The following CNTN6 variants were observed in gnomAD, a reference collection of about 807,000 sequenced individuals.
CNTN6 encodes contactin-6.
CNTN6 carries 137 observed loss-of-function variants against 122.8 expected under a neutral mutation model. The observed-to-expected ratio is 1.12, with a 90% CI of 0.97 to 1.29. CNTN6 has a LOEUF of 1.29. Among genes scored for constraint, CNTN6 ranks in the 50% most tolerant of loss-of-function variants. CNTN6 has a pLI of 0.00. For synonymous variants in CNTN6, 570 were observed against 426.0 expected, an observed-to-expected ratio of 1.34 and a Z score of -4.16; for missense variants, 1,634 against 1,223.4, an observed-to-expected ratio of 1.34 and a Z score of -5.01.
At chr3:1,124,805 T>C (rs958040510) in intron 1 of CNTN6, among the ~76,000 whole-genome samples, 1 of 151,954 alleles carries the variant, frequency 6.6e-6, no homozygotes, top group African/African-American at 2.4e-5. Context: ...TTTTCTGACT[T>C]TCCTTAGACC....
intron 17 of CNTN6, among the ~76,000 whole-genome samples, chr3:1,379,239 G>T (rs1481217339): frequency 6.6e-6 from 1 of 152,092 alleles, no homozygotes; most frequent in East Asian, 1.9e-4. Context: ...TAAGGCAAAG[G>T]TACACAAACC....
chr3:1,234,777 T>C (rs1300702535), intron 4 of CNTN6, among the ~76,000 whole-genome samples: 1 of 152,214 alleles, frequency 6.6e-6, no homozygotes, highest in East Asian at 1.9e-4. Context: ...TAAATTAGTA[T>C]TGATTTTTTC....
At chr3:1,159,471 C>T (rs2093070960) in intron 2 of CNTN6, among the ~76,000 whole-genome samples, 1 of 151,932 alleles carries the variant, frequency 6.6e-6, no homozygotes, top group Non-Finnish European at 1.5e-5. Flanking sequence ...CAAAATTTAG[C>T]GTTTAATATT....
chr3:1,360,853 C>G (rs190186224), intron 12 of CNTN6, among the ~76,000 whole-genome samples: 35 of 152,190 alleles, frequency 2.3e-4, no homozygotes, highest in Middle Eastern at 3.4e-3. Flanking sequence ...CTACTGTCTT[C>G]TTTCTCCACT....
intron 11 of CNTN6, among the ~76,000 whole-genome samples, chr3:1,337,041 C>T (rs561016219): frequency 4.6e-5 from 7 of 152,244 alleles, no homozygotes; most frequent in Non-Finnish European, 8.8e-5. Context: ...TTCTTTTCTT[C>T]ATGGGTAAAA....
intron 1 of CNTN6, among the ~76,000 whole-genome samples, chr3:1,126,340 C>A (rs2092157915): frequency 6.6e-6 from 1 of 151,910 alleles, no homozygotes; most frequent in African/African-American, 2.4e-5. Flanking sequence ...TTAAGATAAA[C>A]CAGATTCTCT....
intron 1 of CNTN6, among the ~76,000 whole-genome samples, chr3:1,138,606 TA>T (rs1057513878): frequency 6.6e-6 from 1 of 151,984 alleles, no homozygotes; most frequent in Non-Finnish European, 1.5e-5. Context: ...TTAAATACAT[TA>T]AAAAAGGGTT....
intron 4 of CNTN6, among the ~76,000 whole-genome samples, chr3:1,229,649 T>A (rs560067689): frequency 1.4e-4 from 21 of 152,326 alleles, no homozygotes; most frequent in African/African-American, 5.0e-4. Flanking sequence ...AAAAATTTCT[T>A]GCAACGAGAA....
At chr3:1,350,906 G>A (rs1233982788) in intron 11 of CNTN6, among the ~76,000 whole-genome samples, 2 of 151,694 alleles carry the variant, frequency 1.3e-5, no homozygotes, top group Non-Finnish European at 2.9e-5. Flanking sequence ...CCTGAGTTTG[G>A]TGCATAATAG....
At chr3:1,316,745 A>G (rs1326129399) in intron 7 of CNTN6, among the ~76,000 whole-genome samples, 2 of 151,928 alleles carry the variant, frequency 1.3e-5, no homozygotes, top group Non-Finnish European at 2.9e-5. Context: ...TATTATTAAC[A>G]CAGAATGGTA....
intron 8 of CNTN6, among the ~76,000 whole-genome samples, chr3:1,323,169 G>A (rs1011972087): frequency 2.6e-5 from 4 of 151,698 alleles, no homozygotes. Flanking sequence ...TTCACTTATA[G>A]AATTCTTAAT....
intron 7 of CNTN6, among the ~76,000 whole-genome samples, chr3:1,302,932 T>A (rs1288036820): frequency 2.2e-5 from 2 of 91,128 alleles, no homozygotes; most frequent in Admixed American, 1.4e-4. Context: ...AAGTTCTTAA[T>A]CTTTTTAAAA....
chr3:1,265,538 T>C (rs1360721732), intron 4 of CNTN6, among the ~76,000 whole-genome samples: 2 of 152,240 alleles, frequency 1.3e-5, no homozygotes, highest in East Asian at 1.9e-4. Flanking sequence ...AGATTTTTGT[T>C]TGTAACAAAA....
intron 2 of CNTN6, among the ~76,000 whole-genome samples, chr3:1,212,253 T>G (rs1033835930): frequency 1.8e-5 from 1 of 55,834 alleles, no homozygotes; most frequent in Non-Finnish European, 3.1e-5. Context: ...ATAAAACTTG[T>G]TTTTTTTTTT....
intron 1 of CNTN6, among the ~76,000 whole-genome samples, chr3:1,114,515 A>T (rs73816474): frequency 0.033 from 5,078 of 152,266 alleles, 299 homozygotes; most frequent in African/African-American, 0.12. Flanking sequence ...TGTGGATACA[A>T]ATTTAAGAAA....
At chr3:1,366,283 A>T (rs1022137451) in intron 12 of CNTN6, among the ~76,000 whole-genome samples, 1 of 152,120 alleles carries the variant, frequency 6.6e-6, no homozygotes, top group African/African-American at 2.4e-5. Context: ...AGAATCTCAA[A>T]TTTTTACAAA....
chr3:1,284,584 G>C (rs763178229), intron 5 of CNTN6, among the ~76,000 whole-genome samples: 12 of 152,100 alleles, frequency 7.9e-5, no homozygotes, highest in Non-Finnish European at 1.6e-4. Context: ...TCGTTTTTCT[G>C]CATTTTAGTG....
chr3:1,190,485 T>TAAAC (rs1253324511), intron 2 of CNTN6, among the ~76,000 whole-genome samples: 1 of 152,212 alleles, frequency 6.6e-6, no homozygotes, highest in Non-Finnish European at 1.5e-5. Flanking sequence ...TGGAGAATTC[T>TAAAC]AAACAGCCTC....
At chr3:1,373,355 T>C (rs1301062250) in intron 14 of CNTN6, among the ~76,000 whole-genome samples, 2 of 152,156 alleles carry the variant, frequency 1.3e-5, no homozygotes, top group Non-Finnish European at 2.9e-5. Flanking sequence ...TTCTCAATCT[T>C]TGAGTATAGG....
Sources: allele counts gnomAD v4.1 joint callset (sites outside exome capture counted in the v4.1 genomes callset), GRCh38; gene constraint gnomAD v4.1.1; transcripts MANE v1.5; gene names NCBI Gene and HGNC (gene_info 2026-07-23, HGNC 2026-07-21).